The following PTPRS variants were observed in gnomAD, a reference collection of about 807,000 sequenced individuals.
PTPRS encodes the protein receptor-type tyrosine-protein phosphatase S.
PTPRS carries 63 observed loss-of-function variants against 215.3 expected under a neutral mutation model. That is an observed-to-expected ratio of 0.29 (90% CI 0.24 to 0.36). The LOEUF is 0.36. Ranked by LOEUF, PTPRS falls within the 10% of genes least tolerant of loss-of-function variation. The pLI, the probability that PTPRS is intolerant of heterozygous loss-of-function variation, is 1.00. For missense variants in PTPRS, 2,258 were observed against 2,825.8 expected, an observed-to-expected ratio of 0.80 and a Z score of 4.56; for synonymous variants, 1,404 against 1,191.4, an observed-to-expected ratio of 1.18 and a Z score of -3.68.
intron 9 of PTPRS, among the ~76,000 whole-genome samples, chr19:5,247,310 C>T (rs1048355217): frequency 1.3e-5 from 2 of 152,080 alleles, no homozygotes; most frequent in Non-Finnish European, 2.9e-5. Flanking sequence ...ATGCAACCTT[C>T]TCTCAAAGAC....
rs545081906 is a variant in PTPRS, at chr19:5,286,175, G to A, written c.-35C>T. 2.5e-6 allele frequency: 4 copies of A among 1,608,656 alleles called. No homozygotes were observed. Among genetic ancestry groups the A allele is most frequent in the African/African-American group, 2.7e-5 (2 of 74,894 alleles). ...CGACCTCCGATCTCCGCCCTGGAGG[G>A]GGATGGCCCCCCGGTCCCTCACAGA... On this transcript the variant is annotated 5_prime_UTR_variant, in exon 2 of 38. Coordinates refer to ENST00000262963, the MANE Select transcript of PTPRS (RefSeq NM_002850.4).
intron 9 of PTPRS, among the ~76,000 whole-genome samples, chr19:5,246,359 C>T (rs762651582): frequency 1.3e-5 from 2 of 152,110 alleles, no homozygotes; most frequent in African/African-American, 2.4e-5. Flanking sequence ...AGAGATATAT[C>T]AATATATAAT....
At chr19:5,285,974 C>CCA (rs1476222380) in intron 2 of PTPRS, 76 bp downstream of exon 2, 13 of 1,354,834 alleles carry the variant, frequency 9.6e-6, no homozygotes, top group East Asian at 4.8e-5. Flanking sequence ...GGGAGTGTGC[C>CCA]CACACACACA....
intron 14 of PTPRS, among the ~76,000 whole-genome samples, chr19:5,230,274 A>T (rs1362895913): frequency 6.6e-6 from 1 of 152,206 alleles, no homozygotes; most frequent in Non-Finnish European, 1.5e-5. Context: ...GGCTCAGAAA[A>T]CGAATCAGGT....
chr19:5,225,936 T>C (rs1340135481), intron 16 of PTPRS, 92 bp from the exon 17 acceptor site: 1 of 1,054,434 alleles, frequency 9.5e-7, no homozygotes, highest in Non-Finnish European at 1.5e-6. Context: ...GCAAGGAGGA[T>C]GCAGGGCCCG....
At chr19:5,319,708 C>G (rs889003668) in intron 1 of PTPRS, among the ~76,000 whole-genome samples, 1 of 152,048 alleles carries the variant, frequency 6.6e-6, no homozygotes, top group African/African-American at 2.4e-5. Context: ...ACACGCCAGG[C>G]GTGGTCCTGC....
At chr19:5,290,089 T>C (rs1165078773) in intron 1 of PTPRS, among the ~76,000 whole-genome samples, 2 of 152,204 alleles carry the variant, frequency 1.3e-5, no homozygotes, top group East Asian at 1.9e-4. Context: ...GAGCCAGGGC[T>C]AGGGAGAAGG....
At chr19:5,334,667 C>T (rs1600151641) in intron 1 of PTPRS, among the ~76,000 whole-genome samples, 1 of 152,202 alleles carries the variant, frequency 6.6e-6, no homozygotes, top group East Asian at 1.9e-4. Context: ...GCCCCCGCAG[C>T]AGATGGACTG....
intron 4 of PTPRS, among the ~76,000 whole-genome samples, chr19:5,269,195 C>T (rs114117834): frequency 6.1e-4 from 93 of 152,204 alleles, no homozygotes; most frequent in African/African-American, 2.2e-3. Context: ...CCCGTGCCCA[C>T]GTGTCCACAC....
At chr19:5,266,490 C>T (rs1045468928) in intron 4 of PTPRS, among the ~76,000 whole-genome samples, 6 of 151,854 alleles carry the variant, frequency 4.0e-5, no homozygotes, top group East Asian at 1.9e-4. Context: ...TCTCACTCGT[C>T]GGCCAGGCTG....
At chr19:5,319,476 C>T (rs966075649) in intron 1 of PTPRS, among the ~76,000 whole-genome samples, 1 of 151,588 alleles carries the variant, frequency 6.6e-6, no homozygotes, top group Non-Finnish European at 1.5e-5. Context: ...CCCCACCACC[C>T]ACCTTTGCCT....
chr19:5,225,888 G>GCAGCCCCACC (rs779139510), intron 16 of PTPRS, 44 bp from the exon 17 acceptor site: 1 of 1,499,780 alleles, frequency 6.7e-7, no homozygotes, highest in Non-Finnish European at 9.3e-7. Context: ...GGGGCTGGGA[G>GCAGCCCCACC]CAGCCCCACC....
chr19:5,235,003 C>T (rs1035219412), intron 13 of PTPRS, among the ~76,000 whole-genome samples: 4 of 150,308 alleles, frequency 2.7e-5, no homozygotes, highest in African/African-American at 7.4e-5. Flanking sequence ...TGCAGTGGCG[C>T]GATCTCGGCT....
Position 5,206,772 on chromosome 19 carries a change from C to T in PTPRS, c.*2G>A. 1.2e-6 allele frequency: 2 copies of T among 1,613,738 alleles called. No individual in the cohort carries two copies. Among genetic ancestry groups the T allele is most frequent in the Non-Finnish European group, 1.7e-6 (2 of 1,179,690 alleles). ...GTGTCGGGCCTGGGGGGAACCATGG[C>T]TTTAGGTTGCATAGTGGTCAAAGCT... is the stretch of plus-strand genomic sequence containing the variant. On this transcript the variant is annotated 3_prime_UTR_variant, in exon 38 of 38. Transcript: ENST00000262963.
intron 1 of PTPRS, 72 bp from the exon 2 acceptor site, chr19:5,286,306 G>A: frequency 1.4e-6 from 1 of 718,120 alleles, no homozygotes; most frequent in Non-Finnish European, 2.4e-6. Flanking sequence ...GAGGCAGAGG[G>A]AGGGTCACAT....
At chr19:5,268,549 G>A (rs1484690213) in intron 4 of PTPRS, among the ~76,000 whole-genome samples, 2 of 152,024 alleles carry the variant, frequency 1.3e-5, no homozygotes, top group East Asian at 3.9e-4. Flanking sequence ...GCAAGGGAGA[G>A]GTGGGCAGGA....
chr19:5,222,923 C>T lies in PTPRS; in HGVS notation c.2869G>A (p.Glu957Lys), dbSNP rs768350891. ...LLRWLPPVPA[E>K]RNGAIVKYTV... ...TATTTGACGATGGCCCCGTTGCGCT[C>T]GGCGGGCACGGGTGGCAGCCAGCGG... is the stretch of plus-strand genomic sequence containing the variant. The change falls in exon 18 of 38, where the codon GAG becomes AAG. Residue 957 changes from glutamate (E) to lysine (K), a missense_variant. By Grantham distance (56) the Glu-to-Lys change is moderately conservative. This residue lies in a region of PTPRS where 361 missense variants were observed against 332.6 expected (regional missense o/e 1.09). Transcript: ENST00000262963. The T allele has an allele frequency of 5.1e-6, 8 of 1,560,200 alleles. No individual in the cohort carries two copies. The highest frequency in any genetic ancestry group is 2.3e-5 in the South Asian group (2 of 86,672).
chr19:5,286,220 C>G lies in PTPRS; in HGVS notation c.-80G>C. 6.7e-7 allele frequency: 1 copy of G among 1,490,364 alleles called. No individual in the cohort carries two copies. The highest frequency in any genetic ancestry group is 9.2e-7 in the Non-Finnish European group (1 of 1,087,434). 92.3% of individuals were successfully genotyped at this position (1,490,364 alleles called of 1,614,324 possible). A position where few individuals can be genotyped will look rare whatever the true frequency, so the allele number is the denominator to read the frequency against. ...CACAGAGAGGCCTCGAGCCGAGCGT[C>G]AGATGGGGCAACGTCTGCAGAGACA... On this transcript the variant is annotated 5_prime_UTR_variant, in exon 2 of 38. The change abolishes the stop of an existing upstream ORF in the 5' untranslated region. Transcript: ENST00000262963.
At chr19:5,256,005 C>A in intron 9 of PTPRS, 103 bp downstream of exon 9, 2 of 853,358 alleles carry the variant, frequency 2.3e-6, no homozygotes, top group South Asian at 2.1e-5. Flanking sequence ...TGTGTGTCAG[C>A]GTGTGTCCGT....
Sources: gnomAD v4.1 joint callset for allele counts (sites outside exome capture counted in the v4.1 genomes callset) on GRCh38, gnomAD v4.1.1 for gene constraint, gnomAD v4.1.1 regional missense constraint, MANE v1.5 for transcripts, NCBI Gene and HGNC (gene_info 2026-07-23, HGNC 2026-07-21) for gene names.